The following DTX1 variants were observed in gnomAD, a reference collection of about 807,000 sequenced individuals.
DTX1 encodes E3 ubiquitin-protein ligase DTX1.
DTX1 carries 26 observed loss-of-function variants against 57.8 expected under a neutral mutation model. The ratio of observed to expected loss-of-function variants is 0.45; its 90% CI spans 0.33 to 0.62. DTX1 has a LOEUF of 0.62. DTX1 is among the 20% of genes least tolerant of loss of function. The pLI is 0.02. For synonymous variants in DTX1, 398 were observed against 394.1 expected, an observed-to-expected ratio of 1.01 and a Z score of -0.12; for missense variants, 704 against 895.3, an observed-to-expected ratio of 0.79 and a Z score of 2.73.
chr12:113,064,328 C>G (rs139255873), intron 2 of DTX1, among the ~76,000 whole-genome samples: 2,357 of 152,304 alleles, frequency 0.015, 46 homozygotes, highest in Middle Eastern at 0.051. Flanking sequence ...CTATTGCAGA[C>G]CCATGGTCTC....
At position 113,093,714 on chromosome 12, in the gene DTX1, G is replaced by C. The variant is rs772620740; in HGVS notation, c.1165+14G>C. The C allele has an allele frequency of 1.2e-6, 2 of 1,612,202 alleles. No individual in the cohort carries two copies. Among genetic ancestry groups the C allele is most frequent in the Non-Finnish European group, 1.7e-6 (2 of 1,179,010 alleles). Reference sequence around the variant, plus strand: ...ACCTTAAAAAGAGTACGCCCTCCACGCCCTGCCTCACACGAGATGAACCCC... The same window carrying C: ...ACCTTAAAAAGAGTACGCCCTCCACCCCCTGCCTCACACGAGATGAACCCC... On this transcript the variant is annotated intron_variant, in intron 5 of 9. Coordinates refer to ENST00000548759, the MANE Select transcript of DTX1 (RefSeq NM_004416.3). This position sits in a 1 kb window ranked among gnomAD's most constrained non-coding sequence, Gnocchi z 4.2.
At chr12:113,079,515 CTTTTTTTTTTT>C (rs3038193) in intron 3 of DTX1, among the ~76,000 whole-genome samples, 14 of 77,178 alleles carry the variant, frequency 1.8e-4, no homozygotes, top group East Asian at 8.1e-4. Flanking sequence ...GGCCACTTCT[CTTTTTTTTTTT>C]TTTTTTTTTT....
chr12:113,074,182 T>C (rs148141241), intron 2 of DTX1, among the ~76,000 whole-genome samples: 6,471 of 152,188 alleles, frequency 0.043, 306 homozygotes, highest in African/African-American at 0.11. Flanking sequence ...TGAGCCGAGA[T>C]CACGCCACTG....
intron 2 of DTX1, among the ~76,000 whole-genome samples, chr12:113,063,518 G>T (rs58045905): frequency 6.6e-6 from 1 of 152,220 alleles, no homozygotes; most frequent in East Asian, 1.9e-4. Context: ...CTCCCATGTC[G>T]CTCTCCATGT....
At chr12:113,072,281 A>G (rs2044742521) in intron 2 of DTX1, among the ~76,000 whole-genome samples, 2 of 152,232 alleles carry the variant, frequency 1.3e-5, no homozygotes, top group Non-Finnish European at 2.9e-5. Context: ...TTGTCCTCCC[A>G]AAAGTGATCT....
Position 113,097,198 on chromosome 12 carries a change from C to G in DTX1, c.*259C>G. 1 of 510,188 alleles carries G rather than the reference C, an allele frequency of 2.0e-6. No individual in the cohort carries two copies. Among genetic ancestry groups the G allele is most frequent in the Non-Finnish European group, 3.5e-6 (1 of 282,554 alleles). 31.6% of individuals were successfully genotyped at this position (510,188 alleles called of 1,614,324 possible). A position where few individuals can be genotyped will look rare whatever the true frequency, so the allele number is the denominator to read the frequency against. On this transcript the variant is annotated 3_prime_UTR_variant, in exon 10 of 10. Coordinates refer to ENST00000548759, the MANE Select transcript of DTX1 (RefSeq NM_004416.3). The stretch of plus-strand genomic sequence containing the variant: ...TACCAAAAAGACAGAGACCCGCCCC[C>G]TCACACACAAACACACATGTCCTGT...
At chr12:113,076,999 C>T (rs745443569) in intron 2 of DTX1, among the ~76,000 whole-genome samples, 4 of 152,046 alleles carry the variant, frequency 2.6e-5, no homozygotes, top group Non-Finnish European at 5.9e-5. Context: ...ACTTCAGTGT[C>T]TGTCTTGGCC....
At position 113,097,650 on chromosome 12, in the gene DTX1, G is replaced by A. The variant is rs1056110002; in HGVS notation, c.*711G>A. On this transcript the variant is annotated 3_prime_UTR_variant, in exon 10 of 10. Coordinates refer to ENST00000548759, the MANE Select transcript of DTX1 (RefSeq NM_004416.3). ...CTCCCTTCCCATCTCCAGGCCTTCT[G>A]TCTGTCCCAGATAAAGGCGCTGTTC... 9 of 152,366 alleles carry A rather than the reference G, an allele frequency of 5.9e-5. No homozygotes were observed. The highest frequency in any genetic ancestry group is 2.2e-4 in the African/African-American group (9 of 41,448). The allele number at this position is 152,366 out of a possible 1,614,324, so 9.4% of individuals were successfully genotyped here.
intron 3 of DTX1, among the ~76,000 whole-genome samples, chr12:113,090,906 G>A (rs1303416394): frequency 6.6e-6 from 1 of 152,226 alleles, no homozygotes; most frequent in African/African-American, 2.4e-5. Flanking sequence ...GTGTCCTCGT[G>A]TGCAGTGAGT....
chr12:113,093,966 A>C lies in DTX1; in HGVS notation c.1166-72A>C. The C allele has an allele frequency of 6.5e-7, 1 of 1,547,482 alleles. No homozygotes were observed. Among genetic ancestry groups the C allele is most frequent in the Non-Finnish European group, 8.8e-7 (1 of 1,142,144 alleles). ...CCTGACCCCTGCCCTCTGACCCCTG[A>C]CCCAGTTCTGAGCCAAGCCTTCGGG... On this transcript the variant is annotated intron_variant, in intron 5 of 9. Coordinates refer to ENST00000548759, the MANE Select transcript of DTX1 (RefSeq NM_004416.3). The surrounding 1 kb of genome is among the most constrained non-coding windows in gnomAD (Gnocchi z 4.2).
chr12:113,068,872 T>C (rs187120991), intron 2 of DTX1, among the ~76,000 whole-genome samples: 2 of 152,302 alleles, frequency 1.3e-5, no homozygotes, highest in East Asian at 1.9e-4. Context: ...ACAGTGGAAG[T>C]CGGGGAAGTT....
intron 2 of DTX1, among the ~76,000 whole-genome samples, chr12:113,074,578 T>G (rs192387918): frequency 1.3e-5 from 2 of 152,308 alleles, no homozygotes; most frequent in East Asian, 3.9e-4. Flanking sequence ...GGACTTTGGC[T>G]TTTACTCCAA....
rs1273861975 is a variant in DTX1, at chr12:113,078,082, C to G, written c.918C>G (p.Ser306Arg). 3 of 1,397,682 alleles carry G rather than the reference C, an allele frequency of 2.1e-6. No homozygotes were observed. The highest frequency in any genetic ancestry group is 2.8e-6 in the Non-Finnish European group (3 of 1,075,364). The allele number at this position is 1,397,682 out of a possible 1,614,324, so 86.6% of individuals were successfully genotyped here. A position where few individuals can be genotyped will look rare whatever the true frequency, so the allele number is the denominator to read the frequency against. Residue 306 changes from serine (S) to arginine (R), a missense_variant, in exon 3 of 10, where the codon AGC becomes AGG. Physicochemically the swap from Ser to Arg is moderately radical, Grantham distance 110. Around this residue, in one of 3 missense-constraint regions of DTX1, gnomAD observed 299 missense variants for 311.2 expected, o/e 0.96. Coordinates refer to ENST00000548759, the MANE Select transcript of DTX1 (RefSeq NM_004416.3). The part of the protein sequence containing the change: ...RPGPQRTTSV[S>R]ARASIPPGVP... ...GGCCCCAGCGCACCACCAGCGTGAG[C>G]GCGCGCGCCTCCATCCCGCCGGGGT...
chr12:113,068,176 G>A (rs2044716732), intron 2 of DTX1, among the ~76,000 whole-genome samples: 1 of 152,252 alleles, frequency 6.6e-6, no homozygotes, highest in African/African-American at 2.4e-5. Context: ...TCATTCAGAT[G>A]TATTTGGTTA....
chr12:113,062,441 C>CT (rs1034839309), intron 2 of DTX1, among the ~76,000 whole-genome samples: 1 of 152,018 alleles, frequency 6.6e-6, no homozygotes. Flanking sequence ...ATGAAATATT[C>CT]TTTTTTTTCC....
Position 113,077,473 on chromosome 12 carries a change from G to C in DTX1, c.309G>C (p.Pro103=), listed in dbSNP as rs1215347941. ...ACTTCTACGACCCGTCGTCGGCGCC[G>C]GGCAAGGGCATCGTGTGGGAGTGGG... ...RRNFYDPSSA[P]GKGIVWEWEN... is the part of the protein sequence containing the mutation. The change falls in exon 3 of 10, where the codon CCG becomes CCC. Residue 103 remains proline, a synonymous_variant. Coordinates refer to ENST00000548759, the MANE Select transcript of DTX1 (RefSeq NM_004416.3). The surrounding 1 kb of genome is among the most constrained non-coding windows in gnomAD (Gnocchi z 7.8). The C allele has an allele frequency of 1.1e-5, 17 of 1,612,692 alleles. No homozygotes were observed. Among genetic ancestry groups the C allele is most frequent in the Non-Finnish European group, 1.4e-5 (17 of 1,179,872 alleles).
In DTX1 at chr12:113,093,834, C is replaced by T. The variant is rs1950265128; in HGVS notation, c.1165+134C>T. 2.8e-6 allele frequency: 4 copies of T among 1,449,714 alleles called. No individual in the cohort carries two copies. Among genetic ancestry groups the T allele is most frequent in the African/African-American group, 1.4e-5 (1 of 71,188 alleles). 89.8% of individuals were successfully genotyped at this position (1,449,714 alleles called of 1,614,324 possible). On this transcript the variant is annotated intron_variant, in intron 5 of 9. Coordinates refer to ENST00000548759, the MANE Select transcript of DTX1 (RefSeq NM_004416.3). The surrounding 1 kb of genome is among the most constrained non-coding windows in gnomAD (Gnocchi z 4.2). ...CATTGCCTGATCTCAGCTCCCCTTG[C>T]CCTGGCCCCATCTTTCACCAGCTCC...
Position 113,058,188 on chromosome 12 carries a change from C to T in DTX1, c.-5C>T. ...GGGGACCTGGCCCCTGAGGCAGTGGCGGCCATGTCACGGCCAGGCCACGGT... is the reference window on the plus strand; with the variant it reads ...GGGGACCTGGCCCCTGAGGCAGTGGTGGCCATGTCACGGCCAGGCCACGGT... On this transcript the variant is annotated 5_prime_UTR_variant, in exon 2 of 10. Coordinates refer to ENST00000548759, the MANE Select transcript of DTX1 (RefSeq NM_004416.3). 1 of 1,594,082 alleles carries T rather than the reference C, an allele frequency of 6.3e-7. No homozygotes were observed. The highest frequency in any genetic ancestry group is 8.6e-7 in the Non-Finnish European group (1 of 1,168,870).
chr12:113,062,651 C>T (rs2044673445), intron 2 of DTX1, among the ~76,000 whole-genome samples: 1 of 152,198 alleles, frequency 6.6e-6, no homozygotes, highest in Non-Finnish European at 1.5e-5. Context: ...TACCAAGGTA[C>T]ACGTGCGTGT....
Sources: allele counts gnomAD v4.1 joint callset (sites outside exome capture counted in the v4.1 genomes callset), GRCh38; gene constraint gnomAD v4.1.1; regional missense constraint gnomAD v4.1.1; non-coding constraint Gnocchi (gnomAD v3.1); transcripts MANE v1.5; gene names NCBI Gene and HGNC (gene_info 2026-07-23, HGNC 2026-07-21).